TOP6BL: variants seen among roughly 807,000 people sequenced by gnomAD.
The protein encoded by TOP6BL is type 2 DNA topoisomerase 6 subunit B-like.
the TOP6BL span, chr11:66,800,684 C>T: frequency 1.9e-6 from 3 of 1,605,456 alleles, no homozygotes; most frequent in Non-Finnish European, 2.6e-6. Context: ...ATCCTCTCCA[C>T]AGAGATCTTT....
At chr11:66,790,020 C>T in the TOP6BL span, among the ~76,000 whole-genome samples, 4 of 152,138 alleles carry the variant, frequency 2.6e-5, no homozygotes, top group African/African-American at 9.7e-5. Flanking sequence ...CACCTGTAAT[C>T]CCAGCACTTT....
chr11:66,744,843 C>CGGGGGCGGCGGCGGCGG, the TOP6BL span: 1 of 1,322,932 alleles, frequency 7.6e-7, no homozygotes, highest in Admixed American at 3.5e-5. Context: ...GCGGCGGCGG[C>CGGGGGCGGCGGCGGCGG]GGGCGGGTAC....
At chr11:66,768,717 T>G in the TOP6BL span, among the ~76,000 whole-genome samples, 1 of 152,074 alleles carries the variant, frequency 6.6e-6, no homozygotes, top group Non-Finnish European at 1.5e-5. Flanking sequence ...TTTTCCTTGT[T>G]ACATTTATCT....
At chr11:66,801,748 A>C in the TOP6BL span, among the ~76,000 whole-genome samples, 1 of 152,164 alleles carries the variant, frequency 6.6e-6, no homozygotes, top group African/African-American at 2.4e-5. Flanking sequence ...AAGCATGAGA[A>C]TCACTTGAAC....
the TOP6BL span, among the ~76,000 whole-genome samples, chr11:66,807,707 G>GGAGCAGTTTGCCAATTAGAGC: frequency 1.3e-5 from 2 of 152,146 alleles, no homozygotes; most frequent in Non-Finnish European, 2.9e-5. Context: ...CTTTTGCCCT[G>GGAGCAGTTTGCCAATTAGAGC]GAGCAGTTTG....
chr11:66,800,941 G>A, the TOP6BL span: 1 of 1,345,890 alleles, frequency 7.4e-7, no homozygotes, highest in Non-Finnish European at 1.1e-6. Flanking sequence ...TAATCGCTGG[G>A]GTGGTAGTAG....
the TOP6BL span, among the ~76,000 whole-genome samples, chr11:66,820,004 C>T: frequency 6.7e-4 from 101 of 151,654 alleles, 2 homozygotes; most frequent in African/African-American, 2.2e-3. Context: ...ACTTGAGCCC[C>T]GGTGGTCGAG....
chr11:66,749,897 T>C, the TOP6BL span, among the ~76,000 whole-genome samples: 1 of 152,140 alleles, frequency 6.6e-6, no homozygotes, highest in Non-Finnish European at 1.5e-5. Context: ...ATATTTTTTT[T>C]GGGTAGGAAA....
the TOP6BL span, chr11:66,758,302 C>CTTTTTTTTTTCTTTTTTT: frequency 1.5e-5 from 1 of 67,318 alleles, no homozygotes; most frequent in African/African-American, 7.1e-5. Context: ...TTTTCTTTTT[C>CTTTTTTTTTTCTTTTTTT]TTTTTTTTTT....
chr11:66,793,835 C>T, the TOP6BL span, among the ~76,000 whole-genome samples: 1 of 151,912 alleles, frequency 6.6e-6, no homozygotes, highest in African/African-American at 2.4e-5. Flanking sequence ...AGGCCAGGTG[C>T]AGTGGCTTAT....
At chr11:66,801,770 A>C in the TOP6BL span, among the ~76,000 whole-genome samples, 168 of 152,154 alleles carry the variant, frequency 1.1e-3, 1 homozygote, top group African/African-American at 3.9e-3. Context: ...CAGGAGGTGG[A>C]GGTTGCAGTG....
the TOP6BL span, among the ~76,000 whole-genome samples, chr11:66,828,104 C>CT: frequency 6.6e-6 from 1 of 150,990 alleles, no homozygotes; most frequent in African/African-American, 2.4e-5. Context: ...CTCAGGCCTT[C>CT]TTTTTTTCTC....
the TOP6BL span, among the ~76,000 whole-genome samples, chr11:66,776,520 G>T: frequency 6.6e-6 from 1 of 152,088 alleles, no homozygotes; most frequent in Non-Finnish European, 1.5e-5. Flanking sequence ...GGGAGCAGTG[G>T]CTCATGCCTG....
At chr11:66,790,008 C>CA in the TOP6BL span, among the ~76,000 whole-genome samples, 1 of 152,152 alleles carries the variant, frequency 6.6e-6, no homozygotes, top group Non-Finnish European at 1.5e-5. Context: ...CGCCGTGGCT[C>CA]ACACCTGTAA....
chr11:66,810,998 G>A, the TOP6BL span, among the ~76,000 whole-genome samples: 2 of 152,134 alleles, frequency 1.3e-5, no homozygotes, highest in South Asian at 4.1e-4. Context: ...CTGTTTCCCA[G>A]GCTGGAGTGC....
chr11:66,774,084 A>G, the TOP6BL span, among the ~76,000 whole-genome samples: 183 of 152,238 alleles, frequency 1.2e-3, no homozygotes, highest in African/African-American at 3.9e-3. Context: ...TATTACATCT[A>G]GTGAATCTGG....
At chr11:66,843,415 C>T in the TOP6BL span, 13 of 1,409,040 alleles carry the variant, frequency 9.2e-6, no homozygotes, top group Admixed American at 3.3e-5. Flanking sequence ...CCACACCTCC[C>T]TGGGACTGCG....
the TOP6BL span, among the ~76,000 whole-genome samples, chr11:66,749,837 C>G: frequency 1.3e-5 from 2 of 152,134 alleles, no homozygotes; most frequent in Non-Finnish European, 2.9e-5. Flanking sequence ...CTCTGCCTCC[C>G]AAAGGGCTGG....
At chr11:66,783,736 CCTTTT>C in the TOP6BL span, among the ~76,000 whole-genome samples, 9 of 152,008 alleles carry the variant, frequency 5.9e-5, no homozygotes, top group African/African-American at 1.2e-4. Flanking sequence ...ATGTCTCTTG[CCTTTT>C]CTTTTAATTG....
Sources: allele counts gnomAD v4.1 joint callset (sites outside exome capture counted in the v4.1 genomes callset), GRCh38; gene constraint gnomAD v4.1.1; transcripts MANE v1.5; gene names NCBI Gene and HGNC (gene_info 2026-07-23, HGNC 2026-07-21).